Variants in SEMA5A observed in about 807,000 individuals in gnomAD.
The protein encoded by SEMA5A is semaphorin-5A.
Under a neutral mutation model 135.5 loss-of-function variants are expected in SEMA5A, and 55 were observed. That is an observed-to-expected ratio of 0.41 (90% CI 0.33 to 0.51). The LOEUF (loss-of-function observed/expected upper bound fraction) is 0.51, where lower values mean the gene tolerates loss of function less well. Ranked by LOEUF, SEMA5A falls within the 20% of genes least tolerant of loss-of-function variation. SEMA5A has a pLI of 0.37. For missense variants in SEMA5A, 1,290 were observed against 1,419.9 expected, an observed-to-expected ratio of 0.91 and a Z score of 1.47; for synonymous variants, 580 against 546.5, an observed-to-expected ratio of 1.06 and a Z score of -0.85.
intron 4 of SEMA5A, among the ~76,000 whole-genome samples, chr5:9,322,308 C>T (rs974593588): frequency 6.6e-6 from 1 of 152,066 alleles, no homozygotes; most frequent in African/African-American, 2.4e-5. Context: ...AGCTATGGTG[C>T]CCTTCCAATC....
intron 1 of SEMA5A, among the ~76,000 whole-genome samples, chr5:9,463,080 A>T (rs1476256111): frequency 6.6e-6 from 1 of 152,172 alleles, no homozygotes; most frequent in East Asian, 1.9e-4. Context: ...AGAAAAGAAC[A>T]ATAAGGATGC....
At chr5:9,377,734 A>G (rs894979126) in intron 3 of SEMA5A, among the ~76,000 whole-genome samples, 7 of 152,214 alleles carry the variant, frequency 4.6e-5, no homozygotes, top group Non-Finnish European at 8.8e-5. Context: ...AGGTTAACAA[A>G]GACCCTAGAG....
At chr5:9,231,764 TG>T (rs1477417036) in intron 6 of SEMA5A, among the ~76,000 whole-genome samples, 1 of 152,216 alleles carries the variant, frequency 6.6e-6, no homozygotes, top group East Asian at 1.9e-4. Flanking sequence ...ATTTTCCTTT[TG>T]TCATCTAAGA....
intron 16 of SEMA5A, among the ~76,000 whole-genome samples, chr5:9,083,624 ATCCATC>A (rs1738517234): frequency 1.4e-5 from 2 of 140,020 alleles, no homozygotes; most frequent in African/African-American, 5.2e-5. Context: ...CCATCCATCC[ATCCATC>A]CATCTTTCAG....
intron 1 of SEMA5A, among the ~76,000 whole-genome samples, chr5:9,447,217 G>A (rs561070956): frequency 2.6e-5 from 4 of 152,196 alleles, no homozygotes; most frequent in Non-Finnish European, 5.9e-5. Context: ...GTATAAACCC[G>A]TGCAAGCCAA....
intron 16 of SEMA5A, among the ~76,000 whole-genome samples, chr5:9,077,570 T>C (rs2150095181): frequency 6.6e-6 from 1 of 152,332 alleles, no homozygotes; most frequent in East Asian, 1.9e-4. Context: ...TTGCTCTAAG[T>C]AGCTACAGTA....
intron 2 of SEMA5A, among the ~76,000 whole-genome samples, chr5:9,417,955 G>A (rs1235829116): frequency 2.0e-5 from 3 of 151,018 alleles, no homozygotes; most frequent in South Asian, 2.1e-4. Flanking sequence ...CAGAGCACAG[G>A]AGCAAGTTCT....
chr5:9,134,239 A>G (rs1201223301), intron 13 of SEMA5A, among the ~76,000 whole-genome samples: 1 of 152,162 alleles, frequency 6.6e-6, no homozygotes, highest in Non-Finnish European at 1.5e-5. Flanking sequence ...TCAAACTCTT[A>G]GGCTCAAGCA....
At chr5:9,359,461 T>G (rs987464561) in intron 3 of SEMA5A, among the ~76,000 whole-genome samples, 1 of 152,176 alleles carries the variant, frequency 6.6e-6, no homozygotes. Context: ...AGATTCCCTT[T>G]ATAACATAAT....
At chr5:9,148,055 A>G (rs1194586553) in intron 12 of SEMA5A, among the ~76,000 whole-genome samples, 1 of 152,166 alleles carries the variant, frequency 6.6e-6, no homozygotes, top group East Asian at 1.9e-4. Context: ...TTTACAGTCT[A>G]CTTTCTGTTC....
At chr5:9,250,483 CA>C (rs1748717971) in intron 5 of SEMA5A, among the ~76,000 whole-genome samples, 1 of 152,030 alleles carries the variant, frequency 6.6e-6, no homozygotes, top group Admixed American at 6.6e-5. Flanking sequence ...GTAAATCTTC[CA>C]AAATAGCAAA....
At chr5:9,484,173 C>CT (rs754030415) in intron 1 of SEMA5A, among the ~76,000 whole-genome samples, 5 of 152,292 alleles carry the variant, frequency 3.3e-5, no homozygotes, top group Admixed American at 1.3e-4. Context: ...TTTTAGACAA[C>CT]TTTTTAAAAA....
intron 5 of SEMA5A, among the ~76,000 whole-genome samples, chr5:9,297,542 A>C (rs1377746665): frequency 6.6e-6 from 1 of 151,866 alleles, no homozygotes; most frequent in Non-Finnish European, 1.5e-5. Context: ...GTGAGCAATA[A>C]ATTTCTGTTT....
intron 1 of SEMA5A, among the ~76,000 whole-genome samples, chr5:9,539,215 T>C (rs1205135209): frequency 6.6e-6 from 1 of 152,226 alleles, no homozygotes; most frequent in South Asian, 2.1e-4. Flanking sequence ...ACATGGTGTG[T>C]GGTCTTCAGT....
intron 1 of SEMA5A, among the ~76,000 whole-genome samples, chr5:9,488,908 GTCAACACCA>G (rs1445009365): frequency 1.3e-5 from 2 of 152,134 alleles, no homozygotes; most frequent in Non-Finnish European, 2.9e-5. Context: ...TGCATTTTAA[GTCAACACCA>G]TCTTCTTCTC....
intron 8 of SEMA5A, among the ~76,000 whole-genome samples, chr5:9,205,398 C>A (rs540222373): frequency 1.3e-3 from 195 of 152,208 alleles, no homozygotes; most frequent in African/African-American, 4.5e-3. Flanking sequence ...AAGTGTTTGA[C>A]CCAACTCCAG....
Position 9,107,999 on chromosome 5 carries a change from C to T in SEMA5A, c.2073+141G>A. 3.7e-6 allele frequency: 4 copies of T among 1,085,226 alleles called. No individual in the cohort carries two copies. The South Asian group carries it at 5.0e-5, about 14-fold the overall frequency. 67.2% of individuals were successfully genotyped at this position (1,085,226 alleles called of 1,614,324 possible). The stretch of plus-strand genomic sequence containing the variant: ...GAGACCATTTAGTGTTTGCAGTGTA[C>T]CAAATTTGTGCAGAGCCTCTAGTGT... On this transcript the variant is annotated intron_variant, in intron 16 of 22. Coordinates refer to ENST00000382496, the MANE Select transcript of SEMA5A (RefSeq NM_003966.3).
intron 15 of SEMA5A, among the ~76,000 whole-genome samples, chr5:9,115,411 G>A (rs1441462506): frequency 6.6e-6 from 1 of 152,198 alleles, no homozygotes; most frequent in Non-Finnish European, 1.5e-5. Context: ...CTAGATTTCA[G>A]AATTTATATG....
chr5:9,379,406 G>A (rs752334595), intron 3 of SEMA5A, among the ~76,000 whole-genome samples: 1 of 152,192 alleles, frequency 6.6e-6, no homozygotes, highest in Non-Finnish European at 1.5e-5. Flanking sequence ...GCCATGCAAT[G>A]CTAGATAGAA....
Sources: gnomAD v4.1 joint callset for allele counts (sites outside exome capture counted in the v4.1 genomes callset) on GRCh38, gnomAD v4.1.1 for gene constraint, MANE v1.5 for transcripts, NCBI Gene and HGNC (gene_info 2026-07-23, HGNC 2026-07-21) for gene names.